The following DNAH9 variants were observed in gnomAD, a reference collection of about 807,000 sequenced individuals.
DNAH9 encodes the protein DNAH9 variant protein.
A neutral mutation model predicts 471.6 loss-of-function variants in DNAH9; 345 were observed. The ratio of observed to expected loss-of-function variants is 0.73; its 90% confidence interval spans 0.67 to 0.80. DNAH9 has a LOEUF of 0.80. DNAH9 is among the 30% of genes least tolerant of loss of function. DNAH9 has a pLI of 0.00. For synonymous variants in DNAH9, 2,093 were observed against 2,123.6 expected, an observed-to-expected ratio of 0.99 and a Z score of 0.40; for missense variants, 5,407 against 5,609.2, an observed-to-expected ratio of 0.96 and a Z score of 1.15.
At chr17:11,844,872 C>T (rs540565087) in intron 49 of DNAH9, among the ~76,000 whole-genome samples, 13 of 152,096 alleles carry the variant, frequency 8.5e-5, no homozygotes, top group South Asian at 2.1e-4. Context: ...TATTTCATTG[C>T]GGTTTTGATT....
At chr17:11,699,148 C>G (rs992527330) in intron 22 of DNAH9, among the ~76,000 whole-genome samples, 14 of 152,286 alleles carry the variant, frequency 9.2e-5, no homozygotes, top group African/African-American at 3.4e-4. Flanking sequence ...ACTCAGGAGG[C>G]TGAGGCAGGA....
At chr17:11,798,249 G>T (rs1428007556) in intron 43 of DNAH9, among the ~76,000 whole-genome samples, 1 of 151,620 alleles carries the variant, frequency 6.6e-6, no homozygotes, top group Non-Finnish European at 1.5e-5. Context: ...TGGCTAACAC[G>T]GTGAAACCCC....
chr17:11,922,146 A>T (rs181088623), intron 61 of DNAH9, among the ~76,000 whole-genome samples: 2 of 152,322 alleles, frequency 1.3e-5, no homozygotes, highest in Admixed American at 1.3e-4. Context: ...TTACTACAAA[A>T]AGTCATCATC....
In DNAH9 at chr17:11,766,317, A is replaced by G. The variant is rs1390222024; in HGVS notation, c.7171-2136A>G. On this transcript the variant is annotated intron_variant, in intron 36 of 68. Coordinates refer to ENST00000262442, the MANE Select transcript of DNAH9 (RefSeq NM_001372.4). ...AGAAGTTCCCATTTAAAAAAAAAAAAAAGTCCTGGCTGAATACCTTGCAGC... is the reference window on the plus strand; with the variant it reads ...AGAAGTTCCCATTTAAAAAAAAAAAGAAGTCCTGGCTGAATACCTTGCAGC... 2.0e-5 allele frequency among the ~76,000 whole-genome samples: 3 copies of G among 151,928 alleles called. No homozygotes were observed. In the East Asian group the frequency reaches 5.8e-4, roughly 29 times the overall value.
chr17:11,665,960 A>G (rs976414147), intron 15 of DNAH9, among the ~76,000 whole-genome samples: 1 of 152,200 alleles, frequency 6.6e-6, no homozygotes, highest in Non-Finnish European at 1.5e-5. Flanking sequence ...GGCCATCCCC[A>G]TGGTCTTGAT....
intron 1 of DNAH9, among the ~76,000 whole-genome samples, chr17:11,606,558 C>T (rs1004078292): frequency 1.7e-5 from 2 of 115,662 alleles, no homozygotes; most frequent in African/African-American, 6.4e-5. Flanking sequence ...AAGCGATTCC[C>T]CTGCCTCAGC....
Position 11,739,044 on chromosome 17 carries a change from G to T in DNAH9, c.5972+7G>T. 2 of 1,610,936 alleles carry T rather than the reference G, an allele frequency of 1.2e-6. No homozygotes were observed. The highest frequency in any genetic ancestry group is 1.7e-6 in the Non-Finnish European group (2 of 1,177,512). On this transcript the variant is annotated splice_region_variant and intron_variant, in intron 29 of 68. Coordinates refer to ENST00000262442, the MANE Select transcript of DNAH9 (RefSeq NM_001372.4). ...ATCTCAAGTCTCTCTTCAGGTGAGT[G>T]TCAGTTCTGCCCCATGCAAAAGCCC...
At position 11,932,273 on chromosome 17, in the gene DNAH9, G is replaced by A. The variant is rs1284851716; in HGVS notation, c.12297+68G>A. On this transcript the variant is annotated intron_variant, in intron 64 of 68. Coordinates refer to ENST00000262442, the MANE Select transcript of DNAH9 (RefSeq NM_001372.4). The surrounding 1 kb of genome is among the most constrained non-coding windows in gnomAD (Gnocchi z 4.3). ...GGTTAAAATTATTTAATTTTGAGGG[G>A]TGAATCAGAGGGGTCTAGGATGGGG... is the stretch of plus-strand genomic sequence containing the variant. 35 of 1,507,690 alleles carry A rather than the reference G, an allele frequency of 2.3e-5. No individual in the cohort carries two copies. Among genetic ancestry groups the A allele is most frequent in the Non-Finnish European group, 3.1e-5 (34 of 1,106,950 alleles). The allele number at this position is 1,507,690 out of a possible 1,614,324, so 93.4% of individuals were successfully genotyped here.
intron 67 of DNAH9, among the ~76,000 whole-genome samples, chr17:11,947,635 C>T (rs892772579): frequency 6.6e-6 from 1 of 151,974 alleles, no homozygotes; most frequent in Non-Finnish European, 1.5e-5. Context: ...TGGTTTTTTA[C>T]TTTTAAAATG....
chr17:11,868,641 C>A (rs1972148524), intron 50 of DNAH9, among the ~76,000 whole-genome samples: 1 of 151,990 alleles, frequency 6.6e-6, no homozygotes, highest in Admixed American at 6.6e-5. Context: ...TGGCAGTTGT[C>A]CTCCCTGGCC....
At chr17:11,714,617 G>A (rs1404786931) in intron 26 of DNAH9, among the ~76,000 whole-genome samples, 1 of 152,000 alleles carries the variant, frequency 6.6e-6, no homozygotes, top group Admixed American at 6.5e-5. Flanking sequence ...TTATTCCCAT[G>A]GTTGTGTATT....
intron 43 of DNAH9, among the ~76,000 whole-genome samples, chr17:11,801,367 G>A (rs907897578): frequency 6.6e-6 from 1 of 152,154 alleles, no homozygotes; most frequent in Admixed American, 6.5e-5. Context: ...AATGCCTAGT[G>A]CATAGTAGGG....
chr17:11,837,217 T>C (rs11871719), intron 49 of DNAH9, among the ~76,000 whole-genome samples: 1 of 152,186 alleles, frequency 6.6e-6, no homozygotes, highest in Non-Finnish European at 1.5e-5. Flanking sequence ...ATGTAACTTG[T>C]GAAGTGATGG....
At chr17:11,674,836 C>T (rs2074025444) in intron 17 of DNAH9, among the ~76,000 whole-genome samples, 1 of 152,078 alleles carries the variant, frequency 6.6e-6, no homozygotes, top group African/African-American at 2.4e-5. Flanking sequence ...ATTAAATAGT[C>T]CCTTATCTAG....
chr17:11,942,914 G>C (rs1382878499), intron 67 of DNAH9, among the ~76,000 whole-genome samples: 1 of 40,262 alleles, frequency 2.5e-5, no homozygotes, highest in Non-Finnish European at 5.3e-5. Flanking sequence ...TTTTTTTTTT[G>C]AGACAGAGTC....
chr17:11,959,419 A>G (rs1446596142), intron 67 of DNAH9, among the ~76,000 whole-genome samples: 1 of 152,224 alleles, frequency 6.6e-6, no homozygotes. Context: ...CAATTATTAC[A>G]TAAGCTATAC....
chr17:11,620,463 G>A (rs1236742561), intron 6 of DNAH9, among the ~76,000 whole-genome samples: 2 of 137,376 alleles, frequency 1.5e-5, no homozygotes, highest in Non-Finnish European at 3.0e-5. Flanking sequence ...AGTGAGCCAC[G>A]ATCACACCAT....
intron 59 of DNAH9, among the ~76,000 whole-genome samples, chr17:11,900,519 ATT>A (rs1973374995): frequency 2.7e-5 from 4 of 150,496 alleles, no homozygotes; most frequent in Non-Finnish European, 4.4e-5. Flanking sequence ...AAAAAAAAAA[ATT>A]CCCTTTCCTT....
chr17:11,600,340 A>G (rs1481684247), intron 1 of DNAH9, among the ~76,000 whole-genome samples: 2 of 152,172 alleles, frequency 1.3e-5, no homozygotes, highest in African/African-American at 4.8e-5. Context: ...AAGAATTTGT[A>G]TAAGTAGAGA....
Sources: allele counts gnomAD v4.1 joint callset (sites outside exome capture counted in the v4.1 genomes callset), GRCh38; gene constraint gnomAD v4.1.1; non-coding constraint Gnocchi (gnomAD v3.1); transcripts MANE v1.5; gene names NCBI Gene and HGNC (gene_info 2026-07-23, HGNC 2026-07-21).